The following RNF123 variants were observed in gnomAD, a reference collection of about 807,000 sequenced individuals.
RNF123 encodes the protein E3 ubiquitin-protein ligase RNF123.
Under a neutral mutation model 168.5 loss-of-function variants are expected in RNF123, and 86 were observed. That is an observed-to-expected ratio of 0.51 (90% confidence interval 0.43 to 0.61). RNF123 has a LOEUF of 0.61. Ranked by LOEUF, RNF123 falls within the 20% of genes least tolerant of loss-of-function variation. The probability of loss-of-function intolerance (pLI) is 0.00; values close to 1 mark genes in which losing one functional copy is unlikely to be tolerated. For missense variants in RNF123, 1,419 were observed against 1,729.7 expected (o/e 0.82, Z 3.19); for synonymous variants, 666 against 689.1 (o/e 0.97, Z 0.52).
Position 49,702,668 on chromosome 3 carries a change from C to T in RNF123, c.1665C>T (p.Val555=). ...TGCTCTGCCCCCCTGAGTACATGGT[C>T]TGCTTCTTACACCGGCTGATCTCTG... ...MPMLCPPEYM[V]CFLHRLISAL... is the part of the protein sequence containing the mutation. Residue 555 remains valine, a synonymous_variant, in exon 20 of 39, where the codon GTC becomes GTT. Coordinates refer to ENST00000327697, the MANE Select transcript of RNF123 (RefSeq NM_022064.5). 6.2e-7 allele frequency: 1 copy of T among 1,614,244 alleles called. No homozygotes were observed. Among genetic ancestry groups the T allele is most frequent in the Non-Finnish European group, 8.5e-7 (1 of 1,180,028 alleles).
intron 35 of RNF123, chr3:49,717,933 G>C (rs377076534): frequency 1.9e-6 from 3 of 1,600,434 alleles, no homozygotes; most frequent in Middle Eastern, 1.7e-4. Context: ...GGGCCTGGGT[G>C]GGGGAGCCCT....
In RNF123 at chr3:49,701,573, C is replaced by CCCA; in HGVS notation, c.1366_1368dup (p.Thr456dup). The CCCA allele has an allele frequency of 6.2e-7, 1 of 1,613,790 alleles. No homozygotes were observed. Among genetic ancestry groups the CCCA allele is most frequent in the Non-Finnish European group, 8.5e-7 (1 of 1,179,988 alleles). The stretch of plus-strand genomic sequence containing the variant: ...GGAGGCCGGCCTGCAGGAGCTCATT[C>CCCA]CCACCACCTGGTGGCCCCACTGCTC... On this transcript the variant is annotated inframe_insertion, in exon 16 of 39. Transcript: ENST00000327697.
chr3:49,716,268 G>A (rs868703588), intron 34 of RNF123, 91 bp downstream of exon 34: 17 of 1,559,286 alleles, frequency 1.1e-5, no homozygotes, highest in Middle Eastern at 1.7e-4. Context: ...TTCTGCCCCC[G>A]GACAGCCAGA....
intron 27 of RNF123, 74 bp from the exon 28 acceptor site, chr3:49,713,439 C>T: frequency 6.9e-7 from 1 of 1,446,584 alleles, no homozygotes; most frequent in Non-Finnish European, 9.5e-7. Flanking sequence ...TACCCAAGTC[C>T]ACCCACCCTG....
chr3:49,719,515 TC>T (rs757731093), intron 35 of RNF123: 14 of 1,460,110 alleles, frequency 9.6e-6, no homozygotes, highest in Non-Finnish European at 1.3e-5. Flanking sequence ...AGGTTGCAGT[TC>T]CAGGACTCAC....
Position 49,698,747 on chromosome 3 carries a change from C to A in RNF123, c.571-8C>A. The A allele has an allele frequency of 6.2e-7, 1 of 1,613,172 alleles. No individual in the cohort carries two copies. The highest frequency in any genetic ancestry group is 8.5e-7 in the Non-Finnish European group (1 of 1,179,612). On this transcript the variant is annotated splice_polypyrimidine_tract_variant and splice_region_variant and intron_variant, in intron 8 of 38. Transcript: ENST00000327697. ...CTGTGCATCTGGTGAGGCCTCCTCT[C>A]ATGGCAGGCGTGGGCAGCGGGGGAC...
At chr3:49,692,638 A>C (rs2054191551) in intron 3 of RNF123, among the ~76,000 whole-genome samples, 1 of 152,198 alleles carries the variant, frequency 6.6e-6, no homozygotes, top group Non-Finnish European at 1.5e-5. Context: ...CTACCCTTCC[A>C]AGCCTCTGGT....
chr3:49,703,593 C>A, intron 21 of RNF123, 65 bp downstream of exon 21: 1 of 1,362,254 alleles, frequency 7.3e-7, no homozygotes, highest in Non-Finnish European at 1.0e-6. Context: ...CCTGAGCCTG[C>A]TCTGCTGTGG....
At chr3:49,718,965 G>C in intron 35 of RNF123, 1 of 1,613,836 alleles carries the variant, frequency 6.2e-7, no homozygotes, top group Non-Finnish European at 8.5e-7. Context: ...AGGCGAGTTC[G>C]TTGCAGCCCA....
chr3:49,703,797 G>A (rs979246764), intron 21 of RNF123, among the ~76,000 whole-genome samples: 1 of 152,214 alleles, frequency 6.6e-6, no homozygotes, highest in Admixed American at 6.5e-5. Flanking sequence ...AGGTGCTGCC[G>A]GAGCTGCCTT....
chr3:49,700,232 G>A lies in RNF123; in HGVS notation c.990G>A (p.Lys330=), dbSNP rs2054352665. 6.2e-7 allele frequency: 1 copy of A among 1,614,162 alleles called. No homozygotes were observed. The highest frequency in any genetic ancestry group is 8.5e-7 in the Non-Finnish European group (1 of 1,180,004). Residue 330 remains lysine, a synonymous_variant, in exon 13 of 39, where the codon AAG becomes AAA. Transcript: ENST00000327697. The stretch of plus-strand genomic sequence containing the variant: ...AGTGCCTGGCCTTGGTGCAGCGCAA[G>A]GTGTATCTGGTGGAGGCTGTGCTCA... ...IFHHFAPLLR[K]VYLVEAVLMS...
chr3:49,700,329 G>A lies in RNF123; in HGVS notation c.1087G>A (p.Asp363Asn). The A allele has an allele frequency of 6.2e-7, 1 of 1,614,224 alleles. No individual in the cohort carries two copies. The highest frequency in any genetic ancestry group is 1.1e-5 in the South Asian group (1 of 91,090). ...ACAGTCCGTGGTGCACCAGGTCCTGGACCTCTTGTGGCTCTTCATGGAGGT... is the reference window on the plus strand; with the variant it reads ...ACAGTCCGTGGTGCACCAGGTCCTGAACCTCTTGTGGCTCTTCATGGAGGT... ...QAQSVVHQVL[D>N]LLWLFMEDYE... The change falls in exon 13 of 39, where the codon GAC becomes AAC. Residue 363 changes from aspartate (D) to asparagine (N), a missense_variant. By Grantham distance (23) the Asp-to-Asn change is conservative. Transcript: ENST00000327697.
intron 15 of RNF123, among the ~76,000 whole-genome samples, 200 bp from the exon 16 acceptor site, chr3:49,701,291 G>A (rs180702572): frequency 7.9e-4 from 120 of 152,360 alleles, no homozygotes; most frequent in Non-Finnish European, 1.0e-3. Context: ...CACCTGCTGG[G>A]TACTGGAGCT....
In RNF123 at chr3:49,704,733, G is replaced by A. The variant is rs2054478061; in HGVS notation, c.1936G>A (p.Glu646Lys). Residue 646 changes from glutamate (E) to lysine (K), a missense_variant, in exon 22 of 39, where the codon GAG (glutamate) becomes AAG (lysine). By Grantham distance (56) the Glu-to-Lys change is moderately conservative. This residue lies in a region of RNF123 where 538 missense variants were observed against 708.8 expected (regional missense o/e 0.76). Transcript: ENST00000327697. ...TAMDDLDEDE[E>K]PAPAMAQRPM... Reference sequence around the variant, plus strand: ...CATGGATGACCTAGATGAGGATGAGGAGCCAGCCCCAGCTATGGCCCAGGT... The same window carrying A: ...CATGGATGACCTAGATGAGGATGAGAAGCCAGCCCCAGCTATGGCCCAGGT... 1.3e-6 allele frequency: 2 copies of A among 1,587,004 alleles called. No homozygotes were observed. The highest frequency in any genetic ancestry group is 1.3e-5 in the African/African-American group (1 of 74,574).
At chr3:49,720,928 C>T (rs1034093561) in intron 37 of RNF123, 34 bp downstream of exon 37, 1 of 1,612,310 alleles carries the variant, frequency 6.2e-7, no homozygotes, top group Non-Finnish European at 8.5e-7. Context: ...GTCCATGCCA[C>T]TTGAATATGT....
chr3:49,704,717 C>T lies in RNF123; in HGVS notation c.1920C>T (p.Asp640=), dbSNP rs148561345. ...AGCTCCAGTCAACCGCCATGGATGA[C>T]CTAGATGAGGATGAGGAGCCAGCCC... The part of the protein sequence containing the change: ...PLELQSTAMD[D]LDEDEEPAPA... The change falls in exon 22 of 39, where the codon GAC becomes GAT. Residue 640 remains aspartate (D), a synonymous_variant. Transcript: ENST00000327697. 4 of 1,598,158 alleles carry T rather than the reference C, an allele frequency of 2.5e-6. No homozygotes were observed. The highest frequency in any genetic ancestry group is 1.7e-4 in the Middle Eastern group (1 of 6,038).
rs115455998 is a variant in RNF123 at position 49,690,269 on chromosome 3, C to T, written c.-37+663C>T. Among the ~76,000 whole-genome samples the T allele has an allele frequency of 4.2e-3, 639 of 152,302 alleles. 4 individuals carry two copies. Among genetic ancestry groups the T allele is most frequent in the African/African-American group, 0.014 (599 of 41,562 alleles). Reference sequence around the variant, plus strand: ...GGGAACGTTCTACCTTTGTGCTGTCCAACAGAGTAACCATTAGCCACATGT... The same window carrying T: ...GGGAACGTTCTACCTTTGTGCTGTCTAACAGAGTAACCATTAGCCACATGT... On this transcript the variant is annotated intron_variant, in intron 1 of 38. Transcript: ENST00000327697.
At chr3:49,705,407 C>A in intron 23 of RNF123, 127 bp from the exon 24 acceptor site, 1 of 1,390,558 alleles carries the variant, frequency 7.2e-7, no homozygotes, top group Non-Finnish European at 9.7e-7. Context: ...CCCATGCCCC[C>A]ATGGGCTCCC....
At chr3:49,703,044 T>C (rs1039462979) in intron 20 of RNF123, among the ~76,000 whole-genome samples, 1 of 152,194 alleles carries the variant, frequency 6.6e-6, no homozygotes, top group Non-Finnish European at 1.5e-5. Context: ...GCGTCCTTTA[T>C]AGGGCTGCCT....
Sources: allele counts gnomAD v4.1 joint callset (sites outside exome capture counted in the v4.1 genomes callset), GRCh38; gene constraint gnomAD v4.1.1; regional missense constraint gnomAD v4.1.1; transcripts MANE v1.5; gene names NCBI Gene and HGNC (gene_info 2026-07-23, HGNC 2026-07-21).